The following SRPK1 variants were observed in gnomAD, a reference collection of about 807,000 sequenced individuals.
SRPK1 encodes SRSF protein kinase 1.
SRPK1 carries 52 observed loss-of-function variants against 89.5 expected under a neutral mutation model. The observed-to-expected ratio is 0.58, with a 90% CI of 0.46 to 0.73. The LOEUF (loss-of-function observed/expected upper bound fraction) is 0.73, where lower values mean the gene tolerates loss of function less well. Among genes scored for constraint, SRPK1 ranks in the 30% least tolerant of loss-of-function variants. SRPK1 has a pLI of 0.00. For synonymous variants in SRPK1, 255 were observed against 270.2 expected (o/e 0.94, Z 0.55); for missense variants, 603 against 780.6 (o/e 0.77, Z 2.71).
intron 12 of SRPK1, among the ~76,000 whole-genome samples, chr6:35,859,935 T>C (rs1769745658): frequency 6.6e-6 from 1 of 151,662 alleles, no homozygotes; most frequent in African/African-American, 2.4e-5. Flanking sequence ...CTTGGCTCAC[T>C]GCAAGCTCTG....
chr6:35,873,939 G>A (rs1770099990), intron 7 of SRPK1, among the ~76,000 whole-genome samples: 1 of 151,518 alleles, frequency 6.6e-6, no homozygotes, highest in Non-Finnish European at 1.5e-5. Flanking sequence ...CCATTCTCCT[G>A]CCTCAGCCTC....
chr6:35,845,721 G>T (rs1436315389), intron 13 of SRPK1, among the ~76,000 whole-genome samples: 1 of 152,178 alleles, frequency 6.6e-6, no homozygotes, highest in Non-Finnish European at 1.5e-5. Context: ...GGAGTTTCAG[G>T]TAAGAGCTGT....
At chr6:35,892,684 AACAACG>A (rs1379782047) in intron 2 of SRPK1, among the ~76,000 whole-genome samples, 1,560 of 147,058 alleles carry the variant, frequency 0.011, 29 homozygotes, top group African/African-American at 0.039. Flanking sequence ...CAACAACAAC[AACAACG>A]ACAACAACAC....
chr6:35,888,407 G>A (rs1449759863), intron 4 of SRPK1, among the ~76,000 whole-genome samples: 4 of 152,024 alleles, frequency 2.6e-5, no homozygotes, highest in African/African-American at 4.8e-5. Flanking sequence ...TGCAAAATGA[G>A]GATAAATAAG....
At chr6:35,858,495 AAAGATC>A (rs1428146271) in intron 12 of SRPK1, among the ~76,000 whole-genome samples, 5 of 152,196 alleles carry the variant, frequency 3.3e-5, no homozygotes, top group African/African-American at 1.2e-4. Flanking sequence ...AGTTTCATAT[AAAGATC>A]AAGAATCAGA....
intron 2 of SRPK1, among the ~76,000 whole-genome samples, chr6:35,908,041 C>T (rs901551935): frequency 6.6e-6 from 1 of 152,178 alleles, no homozygotes; most frequent in African/African-American, 2.4e-5. Flanking sequence ...TTTCCTGAGC[C>T]CTCGTTATGC....
At chr6:35,888,592 T>G (rs1020120226) in intron 4 of SRPK1, among the ~76,000 whole-genome samples, 3 of 152,218 alleles carry the variant, frequency 2.0e-5, no homozygotes, top group Non-Finnish European at 4.4e-5. Flanking sequence ...CCAGCATTAA[T>G]TTAATCACTC....
chr6:35,917,459 C>G (rs1175576001), intron 2 of SRPK1, among the ~76,000 whole-genome samples: 2 of 152,200 alleles, frequency 1.3e-5, no homozygotes, highest in Non-Finnish European at 2.9e-5. Context: ...AAATGGAGAT[C>G]ATCACCAACT....
rs1401212794 is a variant in SRPK1 at position 35,857,381 on chromosome 6, A to G, written c.1513-13T>C. 1 of 1,572,972 alleles carries G rather than the reference A, an allele frequency of 6.4e-7. No homozygotes were observed. Among genetic ancestry groups the G allele is most frequent in the Non-Finnish European group, 8.7e-7 (1 of 1,150,982 alleles). The stretch of plus-strand genomic sequence containing the variant: ...TGAAATGTTTGTGCTGAGAAAATGA[A>G]GGAAACAATATTTTAAACTTCATTC... On this transcript the variant is annotated splice_polypyrimidine_tract_variant and intron_variant, in intron 12 of 15. Coordinates refer to ENST00000373825, the MANE Select transcript of SRPK1 (RefSeq NM_003137.5).
At chr6:35,919,466 G>A (rs1366690232) in intron 2 of SRPK1, among the ~76,000 whole-genome samples, 2 of 152,120 alleles carry the variant, frequency 1.3e-5, no homozygotes, top group Admixed American at 6.5e-5. Flanking sequence ...GACCGCATAC[G>A]ATGCCACAAA....
intron 2 of SRPK1, among the ~76,000 whole-genome samples, chr6:35,917,851 C>A (rs1214601590): frequency 1.3e-5 from 2 of 152,196 alleles, no homozygotes; most frequent in African/African-American, 2.4e-5. Flanking sequence ...AACTGCCAGT[C>A]AGGATATATA....
chr6:35,845,293 T>C (rs1443734493), intron 13 of SRPK1, among the ~76,000 whole-genome samples: 1 of 152,194 alleles, frequency 6.6e-6, no homozygotes, highest in Non-Finnish European at 1.5e-5. Flanking sequence ...GGTTCATTGT[T>C]TGTAACAAAT....
At chr6:35,858,723 A>AC (rs567610369) in intron 12 of SRPK1, among the ~76,000 whole-genome samples, 84 of 152,278 alleles carry the variant, frequency 5.5e-4, no homozygotes, top group Non-Finnish European at 7.1e-4. Context: ...CATGTACTCT[A>AC]CAAAAAAGAT....
chr6:35,872,341 T>G (rs1232161548), intron 8 of SRPK1, among the ~76,000 whole-genome samples: 1 of 152,186 alleles, frequency 6.6e-6, no homozygotes, highest in Non-Finnish European at 1.5e-5. Context: ...TTTTAAACAA[T>G]ACACACCAGC....
At chr6:35,880,746 A>AAAAAAGAAAGAAAGAAAGAAAG (rs1770263877) in intron 6 of SRPK1, among the ~76,000 whole-genome samples, 3 of 89,202 alleles carry the variant, frequency 3.4e-5, no homozygotes, top group African/African-American at 1.4e-4. Flanking sequence ...AAAAAAAAAA[A>AAAAAAGAAAGAAAGAAAGAAAG]AAAAGAAAAG....
chr6:35,909,954 G>C (rs529255520), intron 2 of SRPK1, among the ~76,000 whole-genome samples: 1 of 152,110 alleles, frequency 6.6e-6, no homozygotes, highest in East Asian at 1.9e-4. Context: ...CTTTACAGCA[G>C]TGTGAGAACA....
At chr6:35,904,852 T>C (rs1039841751) in intron 2 of SRPK1, 2 of 254,580 alleles carry the variant, frequency 7.9e-6, no homozygotes, top group African/African-American at 4.8e-5. Flanking sequence ...ATAAATAAAG[T>C]CGTGGGCTGG....
intron 12 of SRPK1, among the ~76,000 whole-genome samples, chr6:35,865,952 T>C (rs1050192367): frequency 2.7e-5 from 4 of 149,800 alleles, no homozygotes; most frequent in Admixed American, 2.0e-4. Context: ...GAGAAAAAAA[T>C]CTGCAAACTA....
intron 15 of SRPK1, among the ~76,000 whole-genome samples, chr6:35,837,013 G>T (rs748079071): frequency 6.6e-6 from 1 of 152,132 alleles, no homozygotes; most frequent in Non-Finnish European, 1.5e-5. Flanking sequence ...CACTTCTGTA[G>T]AAGTTGTGAG....
Sources: gnomAD v4.1 joint callset for allele counts (sites outside exome capture counted in the v4.1 genomes callset) on GRCh38, gnomAD v4.1.1 for gene constraint, MANE v1.5 for transcripts, NCBI Gene and HGNC (gene_info 2026-07-23, HGNC 2026-07-21) for gene names.